RNF13: variants seen among roughly 807,000 people sequenced by gnomAD.
The protein encoded by RNF13 is ring finger protein 13, also known as E3 ubiquitin-protein ligase RNF13.
RNF13 carries 19 observed loss-of-function variants against 37.7 expected under a neutral mutation model. The observed-to-expected ratio is 0.50, with a 90% CI of 0.35 to 0.74. The LOEUF (loss-of-function observed/expected upper bound fraction) is 0.74. Among genes scored for constraint, RNF13 ranks in the 30% least tolerant of loss-of-function variants. The pLI, the probability that RNF13 is intolerant of heterozygous loss-of-function variation, is 0.01. For missense variants in RNF13, 375 were observed against 453.0 expected (o/e 0.83, Z 1.56); for synonymous variants, 144 against 157.8 (o/e 0.91, Z 0.65).
intron 8 of RNF13, chr3:149,939,832 T>G: frequency 1.9e-6 from 1 of 527,156 alleles, no homozygotes; most frequent in South Asian, 1.5e-5. Flanking sequence ...GGAGAGAAGG[T>G]GGACAGAGAT....
chr3:149,947,011 C>T (rs1720830255), intron 8 of RNF13, among the ~76,000 whole-genome samples: 1 of 152,034 alleles, frequency 6.6e-6, no homozygotes, highest in South Asian at 2.1e-4. Flanking sequence ...CTTGTGATTT[C>T]TTATTTGACC....
chr3:149,825,559 AG>A (rs1160761649), intron 1 of RNF13, among the ~76,000 whole-genome samples: 5 of 152,146 alleles, frequency 3.3e-5, no homozygotes, highest in Non-Finnish European at 5.9e-5. Flanking sequence ...TCAGCACCCC[AG>A]TGGGCTGTTT....
intron 6 of RNF13, among the ~76,000 whole-genome samples, chr3:149,911,132 G>A (rs1340380628): frequency 6.6e-6 from 1 of 152,096 alleles, no homozygotes; most frequent in East Asian, 1.9e-4. Flanking sequence ...ATATCTCATA[G>A]ATAATTGTAG....
rs909507134 is a variant in RNF13 at position 149,849,674 on chromosome 3, T to C, written c.115-2842T>C. On this transcript the variant is annotated intron_variant, in intron 2 of 9. Transcript: ENST00000392894. ...TCTTCTAATTTACCAGAGCTTGTTATTTTCAACATTCTGTTGTCAATCTGT... is the reference window on the plus strand; with the variant it reads ...TCTTCTAATTTACCAGAGCTTGTTACTTTCAACATTCTGTTGTCAATCTGT... 4.6e-5 allele frequency among the ~76,000 whole-genome samples: 7 copies of C among 152,204 alleles called. No individual in the cohort carries two copies. The South Asian group carries it at 1.0e-3, about 22-fold the overall frequency.
intron 6 of RNF13, among the ~76,000 whole-genome samples, chr3:149,904,623 G>A (rs1478188887): frequency 2.6e-5 from 4 of 152,038 alleles, no homozygotes; most frequent in African/African-American, 4.8e-5. Context: ...AGAGTTTGGC[G>A]ATTGCTCCCC....
intron 1 of RNF13, among the ~76,000 whole-genome samples, chr3:149,837,694 G>T (rs1277143792): frequency 6.6e-6 from 1 of 152,098 alleles, no homozygotes; most frequent in Admixed American, 6.5e-5. Context: ...ATTACCTCCT[G>T]CCGGGTCCCT....
intron 8 of RNF13, among the ~76,000 whole-genome samples, chr3:149,924,911 G>C (rs1171429543): frequency 2.0e-5 from 3 of 152,154 alleles, no homozygotes; most frequent in Non-Finnish European, 4.4e-5. Flanking sequence ...ACAAAAAGGT[G>C]AACTGGCCTT....
At chr3:149,900,775 A>T (rs895868463) in intron 5 of RNF13, among the ~76,000 whole-genome samples, 17 of 152,036 alleles carry the variant, frequency 1.1e-4, no homozygotes, top group Non-Finnish European at 2.5e-4. Context: ...CTTGACTAAT[A>T]TTTTTTGTTT....
intron 1 of RNF13, among the ~76,000 whole-genome samples, chr3:149,827,543 T>C (rs998161724): frequency 4.6e-5 from 7 of 152,254 alleles, no homozygotes; most frequent in African/African-American, 1.7e-4. Flanking sequence ...CCTAATACAT[T>C]ATAGGCACTC....
At position 149,961,294 on chromosome 3, in the gene RNF13, A is replaced by G; in HGVS notation, c.*190A>G. ...CAAGAATATACTTCATTCACTAATA[A>G]TAGACTGGTGCTGTAACTCAAGCAT... On this transcript the variant is annotated 3_prime_UTR_variant, in exon 10 of 10. Coordinates refer to ENST00000392894, the MANE Select transcript of RNF13 (RefSeq NM_183381.3). 1 of 683,460 alleles carries G rather than the reference A, an allele frequency of 1.5e-6. No individual in the cohort carries two copies. Among genetic ancestry groups the G allele is most frequent in the East Asian group, 2.7e-5 (1 of 36,500 alleles). 42.3% of individuals were successfully genotyped at this position (683,460 alleles called of 1,614,324 possible). A position where few individuals can be genotyped will look rare whatever the true frequency, so the allele number is the denominator to read the frequency against.
chr3:149,875,028 G>A (rs898026075), intron 4 of RNF13, among the ~76,000 whole-genome samples: 1 of 152,118 alleles, frequency 6.6e-6, no homozygotes, highest in African/African-American at 2.4e-5. Flanking sequence ...ATAATCAGTA[G>A]TGGTTCATTC....
At chr3:149,820,546 C>T (rs1719914526) in intron 1 of RNF13, among the ~76,000 whole-genome samples, 1 of 152,116 alleles carries the variant, frequency 6.6e-6, no homozygotes, top group Non-Finnish European at 1.5e-5. Context: ...TGCATACTTA[C>T]TATGTTTGTC....
At chr3:149,919,277 CAG>C (rs1412527661) in intron 7 of RNF13, among the ~76,000 whole-genome samples, 4 of 152,104 alleles carry the variant, frequency 2.6e-5, no homozygotes, top group African/African-American at 9.7e-5. Flanking sequence ...CCATATGTAA[CAG>C]ATATGTATGT....
chr3:149,837,782 C>G (rs1721775451), intron 1 of RNF13, among the ~76,000 whole-genome samples: 1 of 152,044 alleles, frequency 6.6e-6, no homozygotes, highest in Non-Finnish European at 1.5e-5. Context: ...TGGCCCCTCC[C>G]AAATCTCATG....
At chr3:149,845,034 T>C (rs2867808) in intron 1 of RNF13, among the ~76,000 whole-genome samples, 104,546 of 151,950 alleles carry the variant, frequency 0.69, 36,753 homozygotes, top group East Asian at 0.9. Context: ...ATCTATACTT[T>C]AGCATGTTTT....
In RNF13 at chr3:149,846,022, A is replaced by G. The variant is rs758676491; in HGVS notation, c.-5A>G. ...TCCTTGTCTTCCAGGTGATTTTACA[A>G]CGAGATGCTGCTCTCCATAGGGATG... On this transcript the variant is annotated 5_prime_UTR_variant, in exon 2 of 10. Transcript: ENST00000392894. The G allele has an allele frequency of 5.6e-6, 9 of 1,598,126 alleles. No individual in the cohort carries two copies. In the African/African-American group the frequency reaches 8.1e-5, roughly 14 times the overall value.
In RNF13 at chr3:149,819,892, C is replaced by T. The variant is rs540397250; in HGVS notation, c.-17+6539C>T. Among the ~76,000 whole-genome samples the T allele has an allele frequency of 6.6e-4, 101 of 152,124 alleles. 2 individuals are homozygous for T. In the South Asian group the frequency reaches 0.013, roughly 20 times the overall value. The stretch of plus-strand genomic sequence containing the variant: ...TATTTGTTATTTCTAGTTGTTTCAA[C>T]GATGTAGATCTTCCTGAGGAAATCA... On this transcript the variant is annotated intron_variant, in intron 1 of 9. Coordinates refer to ENST00000392894, the MANE Select transcript of RNF13 (RefSeq NM_183381.3).
chr3:149,835,180 A>T (rs1299640042), intron 1 of RNF13, among the ~76,000 whole-genome samples: 1 of 152,220 alleles, frequency 6.6e-6, no homozygotes, highest in Non-Finnish European at 1.5e-5. Context: ...ACTTCATGAA[A>T]ATTAAAACTT....
chr3:149,880,080 T>G (rs955332635), intron 4 of RNF13, among the ~76,000 whole-genome samples: 5 of 152,194 alleles, frequency 3.3e-5, no homozygotes, highest in Non-Finnish European at 7.3e-5. Context: ...TGTCGCTGGG[T>G]GGCGCTGAAC....
Sources: allele counts gnomAD v4.1 joint callset (sites outside exome capture counted in the v4.1 genomes callset), GRCh38; gene constraint gnomAD v4.1.1; transcripts MANE v1.5; gene names NCBI Gene and HGNC (gene_info 2026-07-23, HGNC 2026-07-21).